The following PRKG1 variants were observed in gnomAD, a reference collection of about 807,000 sequenced individuals.
PRKG1 encodes protein kinase cGMP-dependent 1, also known as cGMP-dependent protein kinase 1.
PRKG1 carries 35 observed loss-of-function variants against 88.1 expected under a neutral mutation model. The observed-to-expected ratio is 0.40, with a 90% CI of 0.30 to 0.53. PRKG1 has a LOEUF of 0.53. Among genes scored for constraint, PRKG1 ranks in the 20% least tolerant of loss-of-function variants. The pLI is 0.59. For missense variants in PRKG1, 540 were observed against 839.8 expected, an observed-to-expected ratio of 0.64 and a Z score of 4.41; for synonymous variants, 303 against 292.5, an observed-to-expected ratio of 1.04 and a Z score of -0.37.
intron 8 of PRKG1, among the ~76,000 whole-genome samples, chr10:52,139,958 A>G (rs975135228): frequency 2.0e-5 from 3 of 152,204 alleles, no homozygotes; most frequent in African/African-American, 7.2e-5. Flanking sequence ...GCAGTGCAAA[A>G]GTAACTAAAG....
intron 2 of PRKG1, among the ~76,000 whole-genome samples, chr10:51,247,780 C>T (rs541877013): frequency 2.6e-5 from 4 of 151,864 alleles, no homozygotes; most frequent in African/African-American, 4.8e-5. Context: ...GCTCTGATGG[C>T]GTTCTTTTCT....
rs115100809 is a variant in PRKG1 at position 51,612,128 on chromosome 10, T to C, written c.592+144292T>C. On this transcript the variant is annotated intron_variant, in intron 3 of 17. Transcript: ENST00000373980. Reference sequence around the variant, plus strand: ...TTGCTTTGGCAATTCTGGCTCTTTTTTTCATTTCATAAACATTTGAAAGAT... The same window carrying C: ...TTGCTTTGGCAATTCTGGCTCTTTTCTTCATTTCATAAACATTTGAAAGAT... 4.0e-3 allele frequency among the ~76,000 whole-genome samples: 613 copies of C among 152,248 alleles called. 6 individuals are homozygous for C. Among genetic ancestry groups the C allele is most frequent in the African/African-American group, 0.014 (563 of 41,578 alleles).
chr10:51,409,244 T>C (rs1223475097), intron 2 of PRKG1, among the ~76,000 whole-genome samples: 2 of 152,058 alleles, frequency 1.3e-5, no homozygotes, highest in African/African-American at 4.8e-5. Flanking sequence ...TCTTCCTCTG[T>C]CAACTGATCA....
At chr10:51,509,941 G>A (rs1315386442) in intron 3 of PRKG1, among the ~76,000 whole-genome samples, 1 of 152,130 alleles carries the variant, frequency 6.6e-6, no homozygotes, top group Non-Finnish European at 1.5e-5. Flanking sequence ...TTGGGTGGGA[G>A]ACCTAGAACC....
At chr10:51,592,912 T>G (rs1253805419) in intron 3 of PRKG1, among the ~76,000 whole-genome samples, 1 of 152,220 alleles carries the variant, frequency 6.6e-6, no homozygotes, top group Non-Finnish European at 1.5e-5. Flanking sequence ...GCATACAGCT[T>G]CTTGAAAGGG....
intron 8 of PRKG1, among the ~76,000 whole-genome samples, chr10:52,148,957 CTTTTTT>C (rs71904885): frequency 1.1e-4 from 6 of 55,160 alleles, no homozygotes; most frequent in African/African-American, 3.7e-4. Flanking sequence ...GATAGTTTTG[CTTTTTT>C]TTTTTTTTTT....
chr10:51,729,706 C>CAAAAAAAAAAA (rs34900286), intron 3 of PRKG1, among the ~76,000 whole-genome samples: 3 of 28,782 alleles, frequency 1.0e-4, no homozygotes, highest in African/African-American at 3.4e-4. Flanking sequence ...GACTCCATCT[C>CAAAAAAAAAAA]AAAAAAAAAA....
At chr10:52,182,547 CTAGGGTTT>C (rs1839066474) in intron 9 of PRKG1, among the ~76,000 whole-genome samples, 2 of 111,248 alleles carry the variant, frequency 1.8e-5, no homozygotes, top group Non-Finnish European at 3.7e-5. Flanking sequence ...AGGTTTTCTT[CTAGGGTTT>C]TTATGGTTGT....
chr10:51,074,716 G>A lies in PRKG1; in HGVS notation c.126G>A (p.Leu42=). The change falls in exon 1 of 18, where the codon CTG becomes CTA. Residue 42 remains leucine, a synonymous_variant. Coordinates refer to ENST00000373980, the MANE Select transcript of PRKG1 (RefSeq NM_006258.4). ...LDQKDELIQK[L]QNELDKYRSV... ...AGAAGGACGAACTGATCCAGAAGCTGCAGAACGAGCTGGACAAGTACCGCT... is the reference window on the plus strand; with the variant it reads ...AGAAGGACGAACTGATCCAGAAGCTACAGAACGAGCTGGACAAGTACCGCT... The A allele has an allele frequency of 6.2e-7, 1 of 1,614,028 alleles. No individual in the cohort carries two copies. The highest frequency in any genetic ancestry group is 2.2e-5 in the East Asian group (1 of 44,858).
At chr10:51,867,486 T>A (rs1841045240) in intron 4 of PRKG1, among the ~76,000 whole-genome samples, 1 of 152,092 alleles carries the variant, frequency 6.6e-6, no homozygotes, top group Non-Finnish European at 1.5e-5. Flanking sequence ...GGCATGATCC[T>A]AGGCCAGGGC....
At chr10:51,735,425 A>G (rs1350452729) in intron 3 of PRKG1, among the ~76,000 whole-genome samples, 1 of 152,042 alleles carries the variant, frequency 6.6e-6, no homozygotes, top group Non-Finnish European at 1.5e-5. Context: ...GAAGAAATGG[A>G]TTTTCCTCAT....
intron 3 of PRKG1, among the ~76,000 whole-genome samples, chr10:51,625,961 A>G (rs2132269841): frequency 6.6e-6 from 1 of 152,304 alleles, no homozygotes; most frequent in South Asian, 2.1e-4. Flanking sequence ...TTTCTTTGAA[A>G]ATTGCTTGAG....
At chr10:51,463,771 C>T (rs1039042259) in intron 2 of PRKG1, among the ~76,000 whole-genome samples, 1 of 152,174 alleles carries the variant, frequency 6.6e-6, no homozygotes, top group Non-Finnish European at 1.5e-5. Context: ...ACCAGTAACT[C>T]ACTAGACTCT....
chr10:51,246,137 C>T (rs1267125249), intron 2 of PRKG1, among the ~76,000 whole-genome samples: 2 of 152,040 alleles, frequency 1.3e-5, no homozygotes, highest in Non-Finnish European at 2.9e-5. Flanking sequence ...GAGATTTGCA[C>T]TTGCTGCTCC....
intron 1 of PRKG1, among the ~76,000 whole-genome samples, chr10:50,994,496 C>T (rs1470512235): frequency 6.7e-6 from 1 of 149,110 alleles, no homozygotes; most frequent in Non-Finnish European, 1.5e-5. Flanking sequence ...CTGCAAGCTC[C>T]GCCTCCCGCG....
rs113373168 is a variant in PRKG1 at position 51,728,189 on chromosome 10, A to C, written c.593-76396A>C. On this transcript the variant is annotated intron_variant, in intron 3 of 17. Coordinates refer to ENST00000373980, the MANE Select transcript of PRKG1 (RefSeq NM_006258.4). Reference sequence around the variant, plus strand: ...CATAGATCATTCAGAAATATATTAAATTTGAGATTTTTTTTTACCCCCAGA... The same window carrying C: ...CATAGATCATTCAGAAATATATTAACTTTGAGATTTTTTTTTACCCCCAGA... Among the ~76,000 whole-genome samples, 673 of 152,154 alleles carry C rather than the reference A, an allele frequency of 4.4e-3. 6 individuals are homozygous for C. Among genetic ancestry groups the C allele is most frequent in the Middle Eastern group, 0.017 (5 of 294 alleles).
chr10:51,374,093 A>AAAAAAATATAT, intron 2 of PRKG1, among the ~76,000 whole-genome samples: 5 of 100,180 alleles, frequency 5.0e-5, no homozygotes, highest in African/African-American at 1.0e-4. Context: ...AAAAAAAAAA[A>AAAAAAATATAT]ATATATATAT....
intron 1 of PRKG1, among the ~76,000 whole-genome samples, chr10:51,016,669 C>CTT (rs1323068893): frequency 8.8e-5 from 2 of 22,768 alleles, no homozygotes; most frequent in Non-Finnish European, 1.7e-4. Context: ...TATTATTATC[C>CTT]TTTCTTTTTT....
At chr10:51,745,269 C>T (rs1172498969) in intron 3 of PRKG1, among the ~76,000 whole-genome samples, 2 of 152,010 alleles carry the variant, frequency 1.3e-5, no homozygotes, top group African/African-American at 4.8e-5. Flanking sequence ...CATTTATTAA[C>T]TTATCAAACT....
Sources: allele counts gnomAD v4.1 joint callset (sites outside exome capture counted in the v4.1 genomes callset), GRCh38; gene constraint gnomAD v4.1.1; transcripts MANE v1.5; gene names NCBI Gene and HGNC (gene_info 2026-07-23, HGNC 2026-07-21).